Variants in SHROOM3 observed in about 807,000 individuals in gnomAD.
SHROOM3 encodes the protein protein Shroom3.
A neutral mutation model predicts 138.6 loss-of-function variants in SHROOM3; 47 were observed. The ratio of observed to expected loss-of-function variants is 0.34; its 90% CI spans 0.27 to 0.43. The LOEUF (loss-of-function observed/expected upper bound fraction) is 0.43. Among genes scored for constraint, SHROOM3 ranks in the 20% least tolerant of loss-of-function variants. The pLI, the probability that SHROOM3 is intolerant of heterozygous loss-of-function variation, is 1.00. For synonymous variants in SHROOM3, 1,062 were observed against 1,063.3 expected, an observed-to-expected ratio of 1.00 and a Z score of 0.02; for missense variants, 2,491 against 2,596.5, an observed-to-expected ratio of 0.96 and a Z score of 0.88.
At chr4:76,523,763 C>T (rs375569488) in intron 1 of SHROOM3, among the ~76,000 whole-genome samples, 1 of 152,058 alleles carries the variant, frequency 6.6e-6, no homozygotes, top group Non-Finnish European at 1.5e-5. Context: ...CAGTGACAGC[C>T]GGTTGAACAG....
intron 3 of SHROOM3, among the ~76,000 whole-genome samples, chr4:76,722,839 A>G (rs184789823): frequency 6.6e-6 from 1 of 152,154 alleles, no homozygotes; most frequent in East Asian, 1.9e-4. Context: ...CTTTCTTATG[A>G]TGGACTTTGT....
intron 2 of SHROOM3, among the ~76,000 whole-genome samples, chr4:76,583,635 G>A (rs138518706): frequency 9.9e-4 from 151 of 152,300 alleles, no homozygotes; most frequent in African/African-American, 3.4e-3. Context: ...TTGCTTAGGT[G>A]TGCATTCCAG....
In SHROOM3 at chr4:76,501,970, T is replaced by C. The variant is rs540763639; in HGVS notation, c.169-53639T>C. Among the ~76,000 whole-genome samples, 320 of 152,340 alleles carry C rather than the reference T, an allele frequency of 2.1e-3. 2 individuals carry two copies. The highest frequency in any genetic ancestry group is 3.8e-3 in the Non-Finnish European group (261 of 68,016). ...ATCCCCTCCAAGCTCATATTAAAGCTTAATCCCCAATGTGGCAGTATTGAG... is the reference window on the plus strand; with the variant it reads ...ATCCCCTCCAAGCTCATATTAAAGCCTAATCCCCAATGTGGCAGTATTGAG... On this transcript the variant is annotated intron_variant, in intron 1 of 10. Coordinates refer to ENST00000296043, the MANE Select transcript of SHROOM3 (RefSeq NM_020859.4).
rs1055968102 is a variant in SHROOM3 at position 76,521,625 on chromosome 4, C to T, written c.169-33984C>T. Among the ~76,000 whole-genome samples, 12 of 152,260 alleles carry T rather than the reference C, an allele frequency of 7.9e-5. No individual in the cohort carries two copies. In the South Asian group the frequency reaches 1.2e-3, roughly 16 times the overall value. ...CAGAAAAATAACATTGTAGAAGTGG[C>T]GACGGCAAAGTCATTGTGCCCCAGT... On this transcript the variant is annotated intron_variant, in intron 1 of 10. Coordinates refer to ENST00000296043, the MANE Select transcript of SHROOM3 (RefSeq NM_020859.4).
At chr4:76,601,003 G>T (rs1240421808) in intron 2 of SHROOM3, among the ~76,000 whole-genome samples, 1 of 152,082 alleles carries the variant, frequency 6.6e-6, no homozygotes, top group African/African-American at 2.4e-5. Context: ...CTATTAGGTT[G>T]GTGCAAAAGT....
intron 2 of SHROOM3, among the ~76,000 whole-genome samples, chr4:76,577,607 A>C (rs1733967748): frequency 6.6e-6 from 1 of 152,246 alleles, no homozygotes; most frequent in Non-Finnish European, 1.5e-5. Context: ...TAAAGGATGA[A>C]TTAAAGAATC....
intron 1 of SHROOM3, among the ~76,000 whole-genome samples, chr4:76,498,051 T>C (rs1732006394): frequency 6.6e-6 from 1 of 152,190 alleles, no homozygotes; most frequent in Non-Finnish European, 1.5e-5. Flanking sequence ...TTTGAAGTCA[T>C]CAGCTCTCTC....
chr4:76,670,107 G>A (rs1197082269), intron 2 of SHROOM3, among the ~76,000 whole-genome samples: 1 of 152,110 alleles, frequency 6.6e-6, no homozygotes, highest in Non-Finnish European at 1.5e-5. Flanking sequence ...AATTAACAAG[G>A]CCTCTGTCTG....
At position 76,740,854 on chromosome 4, in the gene SHROOM3, T is replaced by C. The variant is rs1370412481; in HGVS notation, c.2681T>C (p.Leu894Pro). 6.4e-7 allele frequency: 1 copy of C among 1,565,796 alleles called. No homozygotes were observed. The highest frequency in any genetic ancestry group is 8.6e-7 in the Non-Finnish European group (1 of 1,158,260). Residue 894 changes from leucine (L) to proline (P), a missense_variant, in exon 5 of 11, where the codon CTC becomes CCC. Transcript: ENST00000296043. The surrounding 1 kb of genome is among the most constrained non-coding windows in gnomAD (Gnocchi z 4.0). ...CTCCGTAGCCAGAGCACCTTCCAGCTCTCCAGCGAGCCAGAGAGGGAGCCC... is the reference window on the plus strand; with the variant it reads ...CTCCGTAGCCAGAGCACCTTCCAGCCCTCCAGCGAGCCAGAGAGGGAGCCC... ...RLLRSQSTFQ[L>P]SSEPEREPEW... is the part of the protein sequence containing the mutation.
chr4:76,707,715 T>G (rs192967779), intron 2 of SHROOM3, among the ~76,000 whole-genome samples: 1 of 152,290 alleles, frequency 6.6e-6, no homozygotes, highest in African/African-American at 2.4e-5. Context: ...GGCCCTGGTT[T>G]CTGGGATGAC....
At chr4:76,481,532 A>G (rs1270130262) in intron 1 of SHROOM3, among the ~76,000 whole-genome samples, 3 of 151,720 alleles carry the variant, frequency 2.0e-5, no homozygotes, top group African/African-American at 7.3e-5. Context: ...AAAGCCCAGG[A>G]CCAGATTCAC....
At chr4:76,657,709 A>G (rs1024313384) in intron 2 of SHROOM3, among the ~76,000 whole-genome samples, 4 of 152,200 alleles carry the variant, frequency 2.6e-5, no homozygotes, top group African/African-American at 9.7e-5. Context: ...TATGCTAATT[A>G]TAGAAGAAAC....
In SHROOM3 at chr4:76,555,327, G is replaced by A. The variant is rs142808399; in HGVS notation, c.169-282G>A. On this transcript the variant is annotated intron_variant, in intron 1 of 10. Coordinates refer to ENST00000296043, the MANE Select transcript of SHROOM3 (RefSeq NM_020859.4). The stretch of plus-strand genomic sequence containing the variant: ...GGGCTGGGGAGATGTCCTGAGCACC[G>A]TGGGATAATGGCCTTTGGATGGAAA... Among the ~76,000 whole-genome samples, 104 of 152,156 alleles carry A rather than the reference G, an allele frequency of 6.8e-4. 1 individual carries two copies. Among genetic ancestry groups the A allele is most frequent in the African/African-American group, 2.3e-3 (97 of 41,516 alleles).
intron 2 of SHROOM3, among the ~76,000 whole-genome samples, chr4:76,693,621 G>A (rs1035301043): frequency 6.6e-6 from 1 of 151,964 alleles, no homozygotes; most frequent in Admixed American, 6.6e-5. Flanking sequence ...TCTTGACCTC[G>A]TGATCTGCCT....
chr4:76,734,965 T>G (rs1720992164), intron 4 of SHROOM3, among the ~76,000 whole-genome samples: 1 of 151,992 alleles, frequency 6.6e-6, no homozygotes, highest in Admixed American at 6.6e-5. Context: ...GTAAGCCAGG[T>G]GAAGAGCACT....
intron 5 of SHROOM3, among the ~76,000 whole-genome samples, chr4:76,747,246 G>GT (rs199685493): frequency 0.012 from 1,854 of 151,078 alleles, 30 homozygotes; most frequent in African/African-American, 0.042. Flanking sequence ...CATAGCCACT[G>GT]TTTTTTTTTC....
At chr4:76,774,709 G>GTT (rs201566335) in intron 10 of SHROOM3, among the ~76,000 whole-genome samples, 1 of 139,094 alleles carries the variant, frequency 7.2e-6, no homozygotes, top group Non-Finnish European at 1.5e-5. Context: ...GTTTTTTGGG[G>GTT]TTTTTTTTTT....
At chr4:76,656,735 T>C (rs1736072660) in intron 2 of SHROOM3, among the ~76,000 whole-genome samples, 2 of 152,222 alleles carry the variant, frequency 1.3e-5, no homozygotes, top group Non-Finnish European at 2.9e-5. Context: ...CGTGGATCTG[T>C]ACCAATGTCT....
At chr4:76,624,933 A>G (rs1735096718) in intron 2 of SHROOM3, among the ~76,000 whole-genome samples, 1 of 152,178 alleles carries the variant, frequency 6.6e-6, no homozygotes, top group Admixed American at 6.5e-5. Flanking sequence ...TGCCTTTATG[A>G]CCTATTGTTT....
Sources: allele counts gnomAD v4.1 joint callset (sites outside exome capture counted in the v4.1 genomes callset), GRCh38; gene constraint gnomAD v4.1.1; non-coding constraint Gnocchi (gnomAD v3.1); transcripts MANE v1.5; gene names NCBI Gene and HGNC (gene_info 2026-07-23, HGNC 2026-07-21).